Variants in JAK1 observed in about 807,000 individuals in gnomAD.
The protein encoded by JAK1 is Janus kinase 1.
In JAK1, 16 loss-of-function variants were observed where a neutral mutation model predicts 136.6. The observed-to-expected ratio is 0.12, with a 90% CI of 0.08 to 0.18. The LOEUF (loss-of-function observed/expected upper bound fraction) is 0.18, where lower values mean the gene tolerates loss of function less well. Ranked by LOEUF, JAK1 falls within the 10% of genes least tolerant of loss-of-function variation. JAK1 has a pLI of 1.00. For synonymous variants in JAK1, 492 were observed against 519.5 expected (o/e 0.95, Z 0.72); for missense variants, 859 against 1,450.1 (o/e 0.59, Z 6.62).
intron 1 of JAK1, among the ~76,000 whole-genome samples, chr1:64,957,193 A>G (rs1646203048): frequency 6.6e-6 from 1 of 151,594 alleles, no homozygotes; most frequent in South Asian, 2.1e-4. Context: ...GAAAGAGGAA[A>G]GAGAGGAGAG....
intron 4 of JAK1, among the ~76,000 whole-genome samples, chr1:64,878,566 TA>T: frequency 8.0e-5 from 1 of 12,500 alleles, no homozygotes; most frequent in Non-Finnish European, 1.4e-4. Context: ...AGTGTGTATA[TA>T]TATATATATA....
At chr1:65,040,968 G>C (rs34821328) in intron 2 of JAK1, among the ~76,000 whole-genome samples, 1 of 152,120 alleles carries the variant, frequency 6.6e-6, no homozygotes, top group Non-Finnish European at 1.5e-5. Flanking sequence ...GATATACAAA[G>C]ATGTATATCA....
intron 1 of JAK1, among the ~76,000 whole-genome samples, chr1:64,943,268 C>T (rs1645922637): frequency 6.6e-6 from 1 of 152,056 alleles, no homozygotes; most frequent in Admixed American, 6.6e-5. Context: ...ACCATAACAC[C>T]CTGATTGGTG....
intron 7 of JAK1, among the ~76,000 whole-genome samples, chr1:64,865,727 T>C (rs1656657912): frequency 6.6e-6 from 1 of 152,210 alleles, no homozygotes; most frequent in Non-Finnish European, 1.5e-5. Flanking sequence ...AGCATGAGAA[T>C]AAAACAGGAG....
chr1:64,928,778 C>CAAAAAAAAAAAAAAAACAAAAAAAAAAAA (rs1645627421), intron 1 of JAK1, among the ~76,000 whole-genome samples: 1 of 61,122 alleles, frequency 1.6e-5, no homozygotes, highest in African/African-American at 5.7e-5. Context: ...TAAAACTCTG[C>CAAAAAAAAAAAAAAAACAAAAAAAAAAAA]AAAAAAAAAA....
chr1:64,912,796 A>G (rs1645306654), intron 1 of JAK1, among the ~76,000 whole-genome samples: 1 of 152,208 alleles, frequency 6.6e-6, no homozygotes, highest in Non-Finnish European at 1.5e-5. Context: ...GTCCTTCTGG[A>G]ACATGAAACA....
chr1:64,930,563 G>A (rs933968284), intron 1 of JAK1, among the ~76,000 whole-genome samples: 2 of 152,216 alleles, frequency 1.3e-5, no homozygotes, highest in African/African-American at 4.8e-5. Context: ...GTATAAATTA[G>A]TTCAACCATT....
Position 64,840,039 on chromosome 1 carries a change from T to A in JAK1, c.2650-244A>T, listed in dbSNP as rs1654788968. Among the ~76,000 whole-genome samples the A allele has an allele frequency of 2.0e-5, 3 of 152,184 alleles. No homozygotes were observed. In the South Asian group the frequency reaches 6.2e-4, roughly 32 times the overall value. On this transcript the variant is annotated intron_variant, in intron 19 of 24. Coordinates refer to ENST00000342505, the MANE Select transcript of JAK1 (RefSeq NM_002227.4). Reference sequence around the variant, plus strand: ...AAGTAGCAGGTGACGATGAACCAACTCATCAATCCCAATTTCTATGACCAC... The same window carrying A: ...AAGTAGCAGGTGACGATGAACCAACACATCAATCCCAATTTCTATGACCAC...
chr1:64,960,190 T>C (rs939841804), intron 1 of JAK1, among the ~76,000 whole-genome samples: 20 of 152,334 alleles, frequency 1.3e-4, no homozygotes, highest in Admixed American at 1.3e-3. Context: ...ACCACACCAC[T>C]GCACTTCAGC....
At chr1:64,837,841 A>G in intron 22 of JAK1, 91 bp downstream of exon 22, 2 of 1,088,326 alleles carry the variant, frequency 1.8e-6, no homozygotes, top group Non-Finnish European at 2.7e-6. Context: ...GGCCAGAGGA[A>G]TGAGACACAT....
At chr1:64,936,329 T>C (rs770257109) in intron 1 of JAK1, among the ~76,000 whole-genome samples, 3 of 152,244 alleles carry the variant, frequency 2.0e-5, no homozygotes, top group Non-Finnish European at 4.4e-5. Flanking sequence ...GGCCCATGGA[T>C]GGACTCTAAG....
chr1:64,838,883 C>T (rs1012888183), intron 20 of JAK1, among the ~76,000 whole-genome samples: 17 of 152,158 alleles, frequency 1.1e-4, no homozygotes, highest in African/African-American at 2.2e-4. Context: ...CGGTGGCTCA[C>T]GCTTGTAATC....
At chr1:64,849,099 C>T (rs2101022170) in intron 12 of JAK1, among the ~76,000 whole-genome samples, 1 of 152,290 alleles carries the variant, frequency 6.6e-6, no homozygotes, top group Middle Eastern at 3.4e-3. Context: ...CTGCAGGGAC[C>T]CACAAAGGCC....
At chr1:64,922,929 C>A (rs1302620921) in intron 1 of JAK1, among the ~76,000 whole-genome samples, 1 of 152,172 alleles carries the variant, frequency 6.6e-6, no homozygotes, top group Non-Finnish European at 1.5e-5. Flanking sequence ...AATTCGCTCT[C>A]ACCTAACTGT....
rs746698120 is a variant in JAK1, at chr1:64,846,730, A to G, written c.1906T>C (p.Phe636Leu). The change falls in exon 14 of 25, where the codon TTC becomes CTC. Residue 636 changes from phenylalanine to leucine, a missense_variant. Physicochemically the swap from Phe to Leu is conservative, Grantham distance 22. This residue lies in a region of JAK1 where 409 missense variants were observed against 753.8 expected (regional missense o/e 0.54). Coordinates refer to ENST00000342505, the MANE Select transcript of JAK1 (RefSeq NM_002227.4). ...TGTCTCATCATGCTGGCTGCCTCGA[A>G]GAAGGCCTGTGGGCGAGCAGGACAT... ...PSHRDISLAF[F>L]EAASMMRQVS... 1 of 1,613,728 alleles carries G rather than the reference A, an allele frequency of 6.2e-7. No individual in the cohort carries two copies. The highest frequency in any genetic ancestry group is 1.7e-5 in the Admixed American group (1 of 60,022).
chr1:65,048,950 C>A (rs575029096), intron 1 of JAK1, among the ~76,000 whole-genome samples: 2 of 152,190 alleles, frequency 1.3e-5, no homozygotes, highest in Non-Finnish European at 2.9e-5. Context: ...CAAATGAAAT[C>A]TTTGAGGCAT....
intron 2 of JAK1, chr1:64,979,919 C>T (rs1386741654): frequency 6.6e-6 from 1 of 152,182 alleles, no homozygotes; most frequent in Non-Finnish European, 1.5e-5. Flanking sequence ...CATTTATATC[C>T]TTCCCAGAAT....
intron 11 of JAK1, among the ~76,000 whole-genome samples, chr1:64,852,778 G>A (rs755237267): frequency 2.6e-5 from 4 of 152,194 alleles, no homozygotes; most frequent in Admixed American, 6.5e-5. Context: ...ATAGGTTACC[G>A]TGTGGAAGAA....
chr1:64,896,852 G>T (rs1645021600), intron 1 of JAK1, among the ~76,000 whole-genome samples: 1 of 152,158 alleles, frequency 6.6e-6, no homozygotes, highest in Non-Finnish European at 1.5e-5. Context: ...GAATGTTCAG[G>T]CTCAGGAAAA....
Sources: gnomAD v4.1 joint callset for allele counts (sites outside exome capture counted in the v4.1 genomes callset) on GRCh38, gnomAD v4.1.1 for gene constraint, gnomAD v4.1.1 regional missense constraint, MANE v1.5 for transcripts, NCBI Gene and HGNC (gene_info 2026-07-23, HGNC 2026-07-21) for gene names.